Variants in ACSM3 observed in about 807,000 individuals in gnomAD.
ACSM3 encodes the protein acyl-coenzyme A synthetase ACSM3, mitochondrial.
ACSM3 carries 61 observed loss-of-function variants against 74.1 expected under a neutral mutation model. The observed-to-expected ratio is 0.82, with a 90% confidence interval of 0.67 to 1.02. ACSM3 has a LOEUF of 1.02. Ranked by LOEUF, ACSM3 falls within the 50% of genes least tolerant of loss-of-function variation. ACSM3 has a pLI of 0.00. For synonymous variants in ACSM3, 213 were observed against 241.5 expected, an observed-to-expected ratio of 0.88 and a Z score of 1.09; for missense variants, 660 against 697.0, an observed-to-expected ratio of 0.95 and a Z score of 0.60.
At chr16:20,689,090 A>G (rs577252933) in intron 1 of ACSM3, among the ~76,000 whole-genome samples, 1 of 150,644 alleles carries the variant, frequency 6.6e-6, no homozygotes, top group Non-Finnish European at 1.5e-5. Context: ...GATGACATCA[A>G]TAACATAAAG....
chr16:20,739,330 T>C (rs1380096588), intron 1 of ACSM3, among the ~76,000 whole-genome samples: 1 of 151,862 alleles, frequency 6.6e-6, no homozygotes, highest in Admixed American at 6.6e-5. Context: ...CGCATGCCAC[T>C]ACACACAGCT....
intron 1 of ACSM3, among the ~76,000 whole-genome samples, chr16:20,746,062 A>G (rs2152428654): frequency 6.6e-6 from 1 of 152,370 alleles, no homozygotes; most frequent in South Asian, 2.1e-4. Flanking sequence ...TGCTTTGGCC[A>G]TGACCTGGCT....
intron 1 of ACSM3, among the ~76,000 whole-genome samples, chr16:20,702,406 G>T (rs1168404019): frequency 2.0e-5 from 3 of 152,124 alleles, no homozygotes; most frequent in East Asian, 1.9e-4. Context: ...TAGAGATGGG[G>T]TTTCACCATG....
intron 1 of ACSM3, among the ~76,000 whole-genome samples, chr16:20,768,826 T>C (rs2080156878): frequency 1.3e-5 from 2 of 152,024 alleles, no homozygotes; most frequent in South Asian, 4.2e-4. Flanking sequence ...TCTTTGCAGG[T>C]GAAAAAGGAA....
At position 20,732,017 on chromosome 16, in the gene ACSM3, G is replaced by A. The variant is rs2079833531; in HGVS notation, c.-189-17893G>A. 2.0e-5 allele frequency among the ~76,000 whole-genome samples: 3 copies of A among 152,128 alleles called. No individual in the cohort carries two copies. The South Asian group carries it at 6.2e-4, about 32-fold the overall frequency. ...AAGAAAAGCACAGTGGCCAAGAATG[G>A]CCAACTGCCTTGTTTTTAGGGACAG... On this transcript the variant is annotated intron_variant, in intron 1 of 3. Transcript: ENST00000561584.
chr16:20,768,325 T>C (rs1395420194), intron 1 of ACSM3, among the ~76,000 whole-genome samples: 1 of 152,226 alleles, frequency 6.6e-6, no homozygotes, highest in African/African-American at 2.4e-5. Flanking sequence ...CAGTAGCCAG[T>C]GTATTTAACC....
chr16:20,713,642 A>G (rs768613286), intron 1 of ACSM3, among the ~76,000 whole-genome samples: 8 of 152,178 alleles, frequency 5.3e-5, no homozygotes, highest in Non-Finnish European at 1.2e-4. Context: ...TCCACTTCAG[A>G]GACTCCTGTC....
intron 1 of ACSM3, among the ~76,000 whole-genome samples, chr16:20,730,915 C>T (rs923441587): frequency 1.1e-4 from 17 of 152,140 alleles, no homozygotes; most frequent in African/African-American, 3.9e-4. Flanking sequence ...AGCAGGAGTG[C>T]AGTGGTGCAG....
At position 20,775,965 on chromosome 16, in the gene ACSM3, T is replaced by G. The variant is rs745583802; in HGVS notation, c.346T>G (p.Ser116Ala). Reference sequence around the variant, plus strand: ...TGCCAATATACTTTCAGAAGCCTGTTCCCTACAAAGAGGAGATCGGGTAAT... The same window carrying G: ...TGCCAATATACTTTCAGAAGCCTGTGCCCTACAAAGAGGAGATCGGGTAAT... ...KFANILSEACSLQRGDRVILI... is the reference protein window; with the variant it reads ...KFANILSEACALQRGDRVILI... The change falls in exon 3 of 14, where the codon TCC becomes GCC. Residue 116 changes from serine to alanine, a missense_variant. Physicochemically the swap from Ser to Ala is moderately conservative, Grantham distance 99. Transcript: ENST00000289416. The G allele has an allele frequency of 1.2e-6, 2 of 1,614,204 alleles. No individual in the cohort carries two copies. The highest frequency in any genetic ancestry group is 2.2e-5 in the South Asian group (2 of 91,084).
Position 20,797,080 on chromosome 16 carries a change from A to C in ACSM3, c.*108A>C, listed in dbSNP as rs2080737512. 6.9e-7 allele frequency: 1 copy of C among 1,441,146 alleles called. No individual in the cohort carries two copies. Among genetic ancestry groups the C allele is most frequent in the South Asian group, 1.6e-5 (1 of 62,364 alleles). The allele number at this position is 1,441,146 out of a possible 1,614,324, so 89.3% of individuals were successfully genotyped here. The stretch of plus-strand genomic sequence containing the variant: ...TAAAAACTGTGGTAGTATGCTTAGA[A>C]ACTGTTGATTTAAAATATCTTGTGG... On this transcript the variant is annotated 3_prime_UTR_variant, in exon 14 of 14. Transcript: ENST00000289416.
intron 1 of ACSM3, among the ~76,000 whole-genome samples, chr16:20,690,841 G>A (rs1304299875): frequency 6.6e-6 from 1 of 152,202 alleles, no homozygotes; most frequent in Non-Finnish European, 1.5e-5. Context: ...AAATGGCCAG[G>A]CTGGGAATAG....
intron 1 of ACSM3, among the ~76,000 whole-genome samples, chr16:20,722,608 T>C (rs190672561): frequency 8.4e-4 from 128 of 152,288 alleles, no homozygotes; most frequent in African/African-American, 2.9e-3. Context: ...TTCATAGAAA[T>C]AGAAGTGGAA....
intron 1 of ACSM3, among the ~76,000 whole-genome samples, chr16:20,747,073 TATAAAA>T (rs1407358800): frequency 1.4e-5 from 2 of 147,090 alleles, no homozygotes; most frequent in Non-Finnish European, 3.0e-5. Flanking sequence ...AAGCAGGAGA[TATAAAA>T]AAAAAAACAA....
At chr16:20,767,898 T>C (rs942830697) in intron 1 of ACSM3, among the ~76,000 whole-genome samples, 7 of 152,208 alleles carry the variant, frequency 4.6e-5, no homozygotes, top group African/African-American at 1.7e-4. Flanking sequence ...CACTAATTCA[T>C]GACACATGAA....
chr16:20,762,592 C>T (rs1177563184), upstream of ACSM3, among the ~76,000 whole-genome samples: 3 of 152,222 alleles, frequency 2.0e-5, no homozygotes, highest in East Asian at 5.8e-4. Context: ...AAGGTTTATT[C>T]CAGGGAGGCA....
chr16:20,714,663 A>G (rs2079754870), intron 1 of ACSM3, among the ~76,000 whole-genome samples: 1 of 152,162 alleles, frequency 6.6e-6, no homozygotes, highest in South Asian at 2.1e-4. Context: ...TTTTTGACTT[A>G]GGTGATCAGT....
Position 20,767,511 on chromosome 16 carries a change from C to T in ACSM3, c.-51-2473C>T, listed in dbSNP as rs1206454826. Among the ~76,000 whole-genome samples, 3 of 8,586 alleles carry T rather than the reference C, an allele frequency of 3.5e-4. 1 individual carries two copies. Among genetic ancestry groups the T allele is most frequent in the Non-Finnish European group, 6.0e-4 (2 of 3,336 alleles). 5.6% of individuals were successfully genotyped at this position (8,586 alleles called of 152,430 possible). On this transcript the variant is annotated intron_variant, in intron 1 of 13. Coordinates refer to ENST00000289416, the MANE Select transcript of ACSM3 (RefSeq NM_005622.4). ...CAGCCTGGGCGACAGAGCGAGACTC[C>T]GTCTCAAAAAAAAAAAAAAAAAAAA... is the stretch of plus-strand genomic sequence containing the variant.
intron 2 of ACSM3, among the ~76,000 whole-genome samples, chr16:20,751,297 G>A (rs529017212): frequency 2.0e-5 from 3 of 152,282 alleles, no homozygotes; most frequent in African/African-American, 4.8e-5. Context: ...CTATCTGTAT[G>A]TAACTTACAA....
Position 20,796,397 on chromosome 16 carries a change from C to T in ACSM3, c.1582C>T (p.Pro528Ser). The T allele has an allele frequency of 6.2e-7, 1 of 1,613,260 alleles. No homozygotes were observed. Among genetic ancestry groups the T allele is most frequent in the African/African-American group, 1.3e-5 (1 of 74,902 alleles). Reference sequence around the variant, plus strand: ...AGTAAAGGCTTTTGTCGTTCTAAATCCTGATTACAAGTCACATGATCAAGA... The same window carrying T: ...AGTAAAGGCTTTTGTCGTTCTAAATTCTGATTACAAGTCACATGATCAAGA... Reference protein sequence around the residue: ...EVVKAFVVLNPDYKSHDQEQL... With the variant: ...EVVKAFVVLNSDYKSHDQEQL... The change falls in exon 13 of 14, where the codon CCT becomes TCT. Residue 528 changes from proline (P) to serine (S), a missense_variant. Physicochemically the swap from Pro to Ser is moderately conservative, Grantham distance 74. Transcript: ENST00000289416.
Sources: allele counts gnomAD v4.1 joint callset (sites outside exome capture counted in the v4.1 genomes callset), GRCh38; gene constraint gnomAD v4.1.1; transcripts MANE v1.5; gene names NCBI Gene and HGNC (gene_info 2026-07-23, HGNC 2026-07-21).